Variants in AGAP1 observed in about 807,000 individuals in gnomAD.
AGAP1 encodes the protein arf-GAP with GTPase, ANK repeat and PH domain-containing protein 1.
AGAP1 carries 29 observed loss-of-function variants against 105.3 expected under a neutral mutation model. The observed-to-expected ratio is 0.28, with a 90% CI of 0.21 to 0.38. The LOEUF (loss-of-function observed/expected upper bound fraction) is 0.38. Ranked by LOEUF, AGAP1 falls within the 10% of genes least tolerant of loss-of-function variation. AGAP1 has a pLI of 1.00. For synonymous variants in AGAP1, 509 were observed against 485.9 expected, an observed-to-expected ratio of 1.05 and a Z score of -0.63; for missense variants, 998 against 1,165.1, an observed-to-expected ratio of 0.86 and a Z score of 2.09.
At chr2:235,598,423 G>A (rs1343562205) in intron 1 of AGAP1, among the ~76,000 whole-genome samples, 2 of 152,158 alleles carry the variant, frequency 1.3e-5, no homozygotes, top group African/African-American at 2.4e-5. Context: ...TGATGTTTTT[G>A]TGACCAGAAA....
chr2:235,522,941 A>G (rs1375464260), intron 1 of AGAP1, among the ~76,000 whole-genome samples: 1 of 152,156 alleles, frequency 6.6e-6, no homozygotes, highest in Non-Finnish European at 1.5e-5. Flanking sequence ...GTGACATGCC[A>G]CCAGGATGTC....
chr2:235,748,437 CT>C (rs1260059153), intron 5 of AGAP1, among the ~76,000 whole-genome samples: 1 of 152,078 alleles, frequency 6.6e-6, no homozygotes, highest in Non-Finnish European at 1.5e-5. Context: ...AAAAAACTTT[CT>C]TTTCTTAAAT....
At chr2:235,797,052 T>G (rs1329314728) in intron 6 of AGAP1, among the ~76,000 whole-genome samples, 1 of 152,144 alleles carries the variant, frequency 6.6e-6, no homozygotes, top group Non-Finnish European at 1.5e-5. Flanking sequence ...ATAAAAAAGG[T>G]CTTTGATATA....
rs1200416384 is a variant in AGAP1 at position 235,908,900 on chromosome 2, A to G, written c.1318A>G (p.Asn440Asp). 2 of 1,610,308 alleles carry G rather than the reference A, an allele frequency of 1.2e-6. No homozygotes were observed. The highest frequency in any genetic ancestry group is 2.2e-5 in the South Asian group (2 of 90,778). ...CATGAGCAGTTTACACATCTCACCC[A>G]ATTCAGGTAAGCTTACAGCAAATGC... ...KDMSSLHISP[N>D]SGNVTSASGS... Residue 440 changes from asparagine to aspartate, a missense_variant, in exon 11 of 18, where the codon AAT (asparagine) becomes GAT (aspartate). Physicochemically the swap from Asn to Asp is conservative, Grantham distance 23. Transcript: ENST00000304032. This position sits in a 1 kb window ranked among gnomAD's most constrained non-coding sequence, Gnocchi z 4.4.
chr2:235,983,177 G>A lies in AGAP1; in HGVS notation c.1645+14554G>A, dbSNP rs941675647. ...GACGACCCCAGAGAAGGGACAGGAT[G>A]GGGGGTTATGGAAGTGCCCAGCAAG... On this transcript the variant is annotated intron_variant, in intron 13 of 17. Coordinates refer to ENST00000304032, the MANE Select transcript of AGAP1 (RefSeq NM_001037131.3). The surrounding 1 kb of genome is among the most constrained non-coding windows in gnomAD (Gnocchi z 4.5). Among the ~76,000 whole-genome samples the A allele has an allele frequency of 2.6e-5, 4 of 152,110 alleles. No individual in the cohort carries two copies. The highest frequency in any genetic ancestry group is 4.4e-5 in the Non-Finnish European group (3 of 68,010).
At position 235,725,883 on chromosome 2, in the gene AGAP1, T is replaced by C. The variant is rs1951618936; in HGVS notation, c.310+8239T>C. 6.6e-6 allele frequency among the ~76,000 whole-genome samples: 1 copy of C among 152,186 alleles called. No homozygotes were observed. The highest frequency in any genetic ancestry group is 2.1e-4 in the South Asian group (1 of 4,824). ...TTGTCTAAAAATAGGTAAAGGATGC[T>C]AACATTATTATTAGATGTTCAAAAA... On this transcript the variant is annotated intron_variant, in intron 3 of 17. Transcript: ENST00000304032. This position sits in a 1 kb window ranked among gnomAD's most constrained non-coding sequence, Gnocchi z 5.7.
rs565101938 is a variant in AGAP1, at chr2:236,090,682, A to G, written c.2115-29510A>G. Among the ~76,000 whole-genome samples the G allele has an allele frequency of 1.3e-5, 2 of 152,182 alleles. No individual in the cohort carries two copies. The highest frequency in any genetic ancestry group is 3.9e-4 in the East Asian group (2 of 5,178). On this transcript the variant is annotated intron_variant, in intron 16 of 17. Transcript: ENST00000304032. The surrounding 1 kb of genome is among the most constrained non-coding windows in gnomAD (Gnocchi z 4.3). ...CCTGGTTATACGGCCCAGCTTGCAA[A>G]CATAATCCTTCCTTGTTTTTCTTTT...
rs763554911 is a variant in AGAP1 at position 235,569,527 on chromosome 2, T to C, written c.163+74678T>C. Among the ~76,000 whole-genome samples the C allele has an allele frequency of 1.3e-5, 2 of 152,178 alleles. No individual in the cohort carries two copies. Among genetic ancestry groups the C allele is most frequent in the Non-Finnish European group, 2.9e-5 (2 of 68,036 alleles). On this transcript the variant is annotated intron_variant, in intron 1 of 17. Transcript: ENST00000304032. This position sits in a 1 kb window ranked among gnomAD's most constrained non-coding sequence, Gnocchi z 5.9. Reference sequence around the variant, plus strand: ...AAAATGGAAAGCAAACCTGGCCTCTTGTACCTCTGAGCCCCGAATTCTGCC... The same window carrying C: ...AAAATGGAAAGCAAACCTGGCCTCTCGTACCTCTGAGCCCCGAATTCTGCC...
At position 235,725,953 on chromosome 2, in the gene AGAP1, AAAAG is replaced by A. The variant is rs529867458; in HGVS notation, c.310+8310_310+8313del. On this transcript the variant is annotated intron_variant, in intron 3 of 17. Transcript: ENST00000304032. The surrounding 1 kb of genome is among the most constrained non-coding windows in gnomAD (Gnocchi z 5.7). ...GTTCTGTTTCATTTTGAGCAAGAAA[AAAAG>A]CCGTAAAATCAGAATAAGGAGATAG... 6.0e-4 allele frequency among the ~76,000 whole-genome samples: 91 copies of A among 152,360 alleles called. 1 individual carries two copies. Among genetic ancestry groups the A allele is most frequent in the African/African-American group, 2.1e-3 (87 of 41,594 alleles).
chr2:235,738,288 C>T (rs761772260), intron 3 of AGAP1, among the ~76,000 whole-genome samples: 1 of 152,052 alleles, frequency 6.6e-6, no homozygotes, highest in Non-Finnish European at 1.5e-5. Flanking sequence ...TGCTGAGCTC[C>T]TCTGTCCCAA....
intron 1 of AGAP1, 124 bp downstream of exon 1, chr2:235,494,973 G>A (rs1941248055): frequency 8.7e-6 from 8 of 919,636 alleles, no homozygotes; most frequent in Non-Finnish European, 1.2e-5. Context: ...CTCCGCCGAG[G>A]GAGCACTGCG....
rs992725946 is a variant in AGAP1 at position 236,035,296 on chromosome 2, A to G, written c.1646-1265A>G. ...CTAGTTCACAGGCCAGGGCCCGGAAACATTGAGTCAAATGAGATGTTGTGT... is the reference window on the plus strand; with the variant it reads ...CTAGTTCACAGGCCAGGGCCCGGAAGCATTGAGTCAAATGAGATGTTGTGT... On this transcript the variant is annotated intron_variant, in intron 13 of 17. Transcript: ENST00000304032. This position sits in a 1 kb window ranked among gnomAD's most constrained non-coding sequence, Gnocchi z 4.2. 2.0e-5 allele frequency among the ~76,000 whole-genome samples: 3 copies of G among 152,200 alleles called. No homozygotes were observed. The highest frequency in any genetic ancestry group is 4.4e-5 in the Non-Finnish European group (3 of 68,042).
chr2:235,912,140 G>C (rs1250671272), intron 11 of AGAP1, among the ~76,000 whole-genome samples: 5 of 152,198 alleles, frequency 3.3e-5, no homozygotes, highest in Non-Finnish European at 4.4e-5. Flanking sequence ...TTAAAATCTT[G>C]GGAAATTTTA....
At chr2:235,784,345 C>T (rs928854465) in intron 6 of AGAP1, among the ~76,000 whole-genome samples, 8 of 152,038 alleles carry the variant, frequency 5.3e-5, no homozygotes, top group Admixed American at 2.0e-4. Flanking sequence ...ATAGAAACTG[C>T]GGTAACAGAA....
chr2:235,588,732 T>G (rs1405951879), intron 1 of AGAP1, among the ~76,000 whole-genome samples: 1 of 152,210 alleles, frequency 6.6e-6, no homozygotes, highest in African/African-American at 2.4e-5. Context: ...ATTTGGAGAT[T>G]ACTAGGGTAA....
At chr2:236,068,955 C>T (rs938310326) in intron 16 of AGAP1, among the ~76,000 whole-genome samples, 4 of 151,584 alleles carry the variant, frequency 2.6e-5, no homozygotes, top group African/African-American at 7.3e-5. Flanking sequence ...GGTGAAACCC[C>T]GTCTCTACTA....
intron 9 of AGAP1, among the ~76,000 whole-genome samples, chr2:235,848,972 C>G (rs1470961503): frequency 3.3e-5 from 5 of 152,160 alleles, no homozygotes; most frequent in Admixed American, 3.3e-4. Flanking sequence ...TTGGAGGTAT[C>G]CTGGCCATGT....
intron 8 of AGAP1, among the ~76,000 whole-genome samples, chr2:235,804,046 A>G (rs981479977): frequency 6.6e-6 from 1 of 152,236 alleles, no homozygotes; most frequent in Non-Finnish European, 1.5e-5. Context: ...ACGCTTCATC[A>G]AATACAAGCC....
intron 9 of AGAP1, among the ~76,000 whole-genome samples, chr2:235,829,226 AG>A (rs1959185827): frequency 6.6e-6 from 1 of 152,210 alleles, no homozygotes; most frequent in South Asian, 2.1e-4. Context: ...CCTTGTTGTT[AG>A]ATGGTGCATT....
Sources: gnomAD v4.1 joint callset for allele counts (sites outside exome capture counted in the v4.1 genomes callset) on GRCh38, gnomAD v4.1.1 for gene constraint, Gnocchi (gnomAD v3.1) non-coding constraint, MANE v1.5 for transcripts, NCBI Gene and HGNC (gene_info 2026-07-23, HGNC 2026-07-21) for gene names.